Variants in DIAPH2 observed in about 807,000 individuals in gnomAD.
The protein encoded by DIAPH2 is protein diaphanous homolog 2.
Under a neutral mutation model 92.7 loss-of-function variants are expected in DIAPH2, and 35 were observed. The ratio of observed to expected loss-of-function variants is 0.38; its 90% CI spans 0.29 to 0.50. DIAPH2 has a LOEUF of 0.50. Ranked by LOEUF, DIAPH2 falls within the 20% of genes least tolerant of loss-of-function variation. The pLI is 0.94. For missense variants in DIAPH2, 701 were observed against 819.5 expected (o/e 0.86, Z 1.77); for synonymous variants, 301 against 280.4 (o/e 1.07, Z -0.73).
chrX:96,990,472 A>T (rs2066062081), intron 17 of DIAPH2, among the ~76,000 whole-genome samples: 1 of 112,029 alleles, frequency 8.9e-6, no homozygotes, highest in Non-Finnish European at 1.9e-5. Context: ...ATAGACAGCC[A>T]CTGCACCTGG....
At chrX:97,351,682 A>G (rs983644136) in intron 24 of DIAPH2, among the ~76,000 whole-genome samples, 4 of 111,093 alleles carry the variant, frequency 3.6e-5, no homozygotes, top group Non-Finnish European at 3.8e-5. Flanking sequence ...GGGCGCCTGT[A>G]GTCCCAGCTA....
At chrX:96,965,495 T>C (rs2065888778) in intron 17 of DIAPH2, among the ~76,000 whole-genome samples, 1 of 111,510 alleles carries the variant, frequency 9.0e-6, no homozygotes, top group East Asian at 2.8e-4. Flanking sequence ...TAGTCGTTTT[T>C]ACTGAGAAGC....
chrX:97,553,086 G>A (rs1332594493), intron 26 of DIAPH2, among the ~76,000 whole-genome samples: 2 of 111,799 alleles, frequency 1.8e-5, no homozygotes, highest in Non-Finnish European at 3.8e-5. Context: ...TATGTATTTG[G>A]GGAAGACACA....
At chrX:97,363,998 C>A (rs1238998552) in intron 24 of DIAPH2, among the ~76,000 whole-genome samples, 1 of 112,152 alleles carries the variant, frequency 8.9e-6, no homozygotes, top group African/African-American at 3.2e-5. Flanking sequence ...ATGTGTCACT[C>A]ATTCTGTATT....
At chrX:96,700,478 A>G in intron 1 of DIAPH2, among the ~76,000 whole-genome samples, 1 of 112,349 alleles carries the variant, frequency 8.9e-6, no homozygotes, top group Non-Finnish European at 1.9e-5. Context: ...CTGGATGCAG[A>G]TGCAGATGCA....
intron 20 of DIAPH2, among the ~76,000 whole-genome samples, chrX:97,101,879 C>G (rs904044850): frequency 8.0e-5 from 9 of 112,038 alleles, no homozygotes; most frequent in Non-Finnish European, 1.7e-4. Flanking sequence ...TGTATACATC[C>G]AAACACTTTT....
intron 26 of DIAPH2, among the ~76,000 whole-genome samples, chrX:97,588,440 G>A (rs749120538): frequency 6.3e-4 from 70 of 110,400 alleles, no homozygotes; most frequent in Admixed American, 9.7e-4. Flanking sequence ...ACATCGGTCA[G>A]TACCTTTTAC....
intron 24 of DIAPH2, among the ~76,000 whole-genome samples, chrX:97,350,596 C>T (rs1354551931): frequency 6.3e-5 from 7 of 111,807 alleles, no homozygotes; most frequent in South Asian, 3.8e-4. Flanking sequence ...TTATTGTTAA[C>T]GAGACCTGAT....
At position 97,256,016 on chromosome X, in the gene DIAPH2, A is replaced by T. The variant is rs777916480; in HGVS notation, c.2844+8177A>T. Among the ~76,000 whole-genome samples, 19 of 111,931 alleles carry T rather than the reference A, an allele frequency of 1.7e-4. No homozygotes were observed. The South Asian group carries it at 6.4e-3, about 37-fold the overall frequency. ...CATAAACCCTTTCAGGCCACAAGAG[A>T]CTCATCTGGGAAATCATCTTTTTCA... On this transcript the variant is annotated intron_variant, in intron 23 of 26. Coordinates refer to ENST00000324765, the MANE Select transcript of DIAPH2 (RefSeq NM_006729.5).
intron 23 of DIAPH2, among the ~76,000 whole-genome samples, chrX:97,272,948 G>T (rs1418285561): frequency 9.0e-6 from 1 of 111,698 alleles, no homozygotes; most frequent in Non-Finnish European, 1.9e-5. Context: ...CTAAGGTTGG[G>T]AGTTCGAGAC....
At chrX:96,760,594 G>A (rs1205752795) in intron 4 of DIAPH2, among the ~76,000 whole-genome samples, 1 of 111,125 alleles carries the variant, frequency 9.0e-6, no homozygotes, top group Non-Finnish European at 1.9e-5. Context: ...CCAGATTTTA[G>A]ATAGAAATGT....
chrX:96,743,305 T>G (rs1368165929), intron 3 of DIAPH2, among the ~76,000 whole-genome samples: 1 of 110,708 alleles, frequency 9.0e-6, no homozygotes, highest in African/African-American at 3.3e-5. Flanking sequence ...ATAATCATTA[T>G]AGACTTGTAT....
At chrX:97,070,071 T>C (rs1171422463) in intron 17 of DIAPH2, among the ~76,000 whole-genome samples, 1 of 111,666 alleles carries the variant, frequency 9.0e-6, no homozygotes, top group Non-Finnish European at 1.9e-5. Flanking sequence ...ATAATATAAA[T>C]GTCTTCATTA....
intron 3 of DIAPH2, among the ~76,000 whole-genome samples, chrX:96,750,076 G>A: frequency 7.9e-5 from 1 of 12,687 alleles, no homozygotes; most frequent in African/African-American, 2.5e-4. Flanking sequence ...TTTTTTTTTT[G>A]AGATGGAAAC....
chrX:97,383,846 G>C, intron 24 of DIAPH2, 63 bp from the exon 25 acceptor site: 1 of 1,012,920 alleles, frequency 9.9e-7, no homozygotes, highest in Non-Finnish European at 1.3e-6. Context: ...ATTCAAAACT[G>C]TGCAATGTCT....
intron 19 of DIAPH2, among the ~76,000 whole-genome samples, chrX:97,088,552 A>T (rs2066800274): frequency 9.0e-6 from 1 of 111,704 alleles, no homozygotes; most frequent in African/African-American, 3.3e-5. Context: ...ATTTTCAATT[A>T]GATATTTTGA....
intron 15 of DIAPH2, among the ~76,000 whole-genome samples, chrX:96,949,249 C>T (rs904374625): frequency 9.0e-6 from 1 of 110,838 alleles, no homozygotes; most frequent in Non-Finnish European, 1.9e-5. Context: ...GCTCAAATGG[C>T]CCTGAATATT....
At chrX:97,422,359 C>A (rs1392740964) in intron 25 of DIAPH2, among the ~76,000 whole-genome samples, 1 of 110,852 alleles carries the variant, frequency 9.0e-6, no homozygotes, top group Non-Finnish European at 1.9e-5. Flanking sequence ...GTAATGTTTT[C>A]AGAGGCTTAA....
chrX:97,565,320 G>A (rs916837539), intron 26 of DIAPH2, among the ~76,000 whole-genome samples: 7 of 111,874 alleles, frequency 6.3e-5, no homozygotes, highest in African/African-American at 2.3e-4. Context: ...AATGATTGAC[G>A]CAATATATGC....
Sources: gnomAD v4.1 joint callset for allele counts (sites outside exome capture counted in the v4.1 genomes callset) on GRCh38, gnomAD v4.1.1 for gene constraint, MANE v1.5 for transcripts, NCBI Gene and HGNC (gene_info 2026-07-23, HGNC 2026-07-21) for gene names.